Variants in AAK1 observed in about 807,000 individuals in gnomAD.
AAK1 encodes the protein AP2 associated kinase 1, also known as AP2-associated protein kinase 1.
A neutral mutation model predicts 116.0 loss-of-function variants in AAK1; 37 were observed. That is an observed-to-expected ratio of 0.32 (90% CI 0.25 to 0.42). AAK1 has a LOEUF of 0.42. Among genes scored for constraint, AAK1 ranks in the 10% least tolerant of loss-of-function variants. AAK1 has a pLI of 1.00. For missense variants in AAK1, 919 were observed against 1,170.6 expected (o/e 0.79, Z 3.14); for synonymous variants, 458 against 439.9 (o/e 1.04, Z -0.51).
intron 2 of AAK1, among the ~76,000 whole-genome samples, chr2:69,631,905 G>A (rs905327154): frequency 5.3e-5 from 8 of 152,208 alleles, no homozygotes; most frequent in African/African-American, 7.2e-5. Flanking sequence ...GCTTGAGCCC[G>A]GGAGGCGGAG....
Position 69,461,432 on chromosome 2 carries a change from G to T in AAK1, c.*14437C>A. On this transcript the variant is annotated 3_prime_UTR_variant, in exon 22 of 22. Coordinates refer to ENST00000409085, the MANE Select transcript of AAK1 (RefSeq NM_014911.5). ...GAAATAAGACCCTACTGTAATACAA[G>T]TCGGCAGAATCTAACTGTTACTAAT... The T allele has an allele frequency of 4.2e-6, 1 of 237,518 alleles. No homozygotes were observed. The highest frequency in any genetic ancestry group is 8.4e-6 in the Non-Finnish European group (1 of 118,406). 14.7% of individuals were successfully genotyped at this position (237,518 alleles called of 1,614,324 possible).
intron 2 of AAK1, among the ~76,000 whole-genome samples, chr2:69,607,046 C>CA (rs61156108): frequency 0.11 from 7,463 of 68,210 alleles, 429 homozygotes; most frequent in Non-Finnish European, 0.15. Context: ...AGTCTTGCCT[C>CA]AAAAAAAAAA....
intron 13 of AAK1, among the ~76,000 whole-genome samples, chr2:69,513,835 C>T (rs952577427): frequency 6.6e-6 from 1 of 152,182 alleles, no homozygotes; most frequent in Non-Finnish European, 1.5e-5. Context: ...TGTGTTGAAA[C>T]TGTAGAGGAC....
intron 3 of AAK1, among the ~76,000 whole-genome samples, chr2:69,554,932 A>G (rs937921822): frequency 1.2e-4 from 19 of 152,372 alleles, no homozygotes; most frequent in Middle Eastern, 3.4e-3. Context: ...TGAGCTCCTC[A>G]TGGGCCTGTG....
At chr2:69,477,568 A>C (rs1314041033) in intron 20 of AAK1, among the ~76,000 whole-genome samples, 1 of 152,196 alleles carries the variant, frequency 6.6e-6, no homozygotes, top group Non-Finnish European at 1.5e-5. Flanking sequence ...CTCAAGTAGA[A>C]GTTTGTTAGA....
chr2:69,479,252 T>A (rs542386717), intron 19 of AAK1, among the ~76,000 whole-genome samples, 191 bp from the exon 20 acceptor site: 1 of 152,108 alleles, frequency 6.6e-6, no homozygotes, highest in East Asian at 1.9e-4. Flanking sequence ...TGAGATTAGA[T>A]CTTAGCTTTT....
intron 3 of AAK1, among the ~76,000 whole-genome samples, chr2:69,555,552 T>A (rs929400553): frequency 1.3e-5 from 2 of 152,212 alleles, no homozygotes; most frequent in African/African-American, 2.4e-5. Flanking sequence ...TTAAAAAGCA[T>A]TAAAATCCAG....
At position 69,470,014 on chromosome 2, in the gene AAK1, C is replaced by T; in HGVS notation, c.*5855G>A. ...TCCAAAGCAACCCAAAGTGCTGAAT[C>T]ATTTAGGATGGGTTTCCCCTGGAAA... On this transcript the variant is annotated 3_prime_UTR_variant, in exon 22 of 22. Coordinates refer to ENST00000409085, the MANE Select transcript of AAK1 (RefSeq NM_014911.5). 2.0e-6 allele frequency: 2 copies of T among 985,424 alleles called. No individual in the cohort carries two copies. The highest frequency in any genetic ancestry group is 2.4e-6 in the Non-Finnish European group (2 of 829,930). 61.0% of individuals were successfully genotyped at this position (985,424 alleles called of 1,614,324 possible).
At chr2:69,619,417 T>C (rs1409525350) in intron 2 of AAK1, among the ~76,000 whole-genome samples, 1 of 152,174 alleles carries the variant, frequency 6.6e-6, no homozygotes, top group African/African-American at 2.4e-5. Context: ...GAGTGTGAAA[T>C]TTCCCTCTTC....
intron 8 of AAK1, among the ~76,000 whole-genome samples, chr2:69,527,623 C>T (rs777671440): frequency 2.6e-5 from 4 of 152,142 alleles, no homozygotes; most frequent in East Asian, 1.9e-4. Flanking sequence ...CTTCATACTC[C>T]GATACCTAGG....
intron 2 of AAK1, among the ~76,000 whole-genome samples, chr2:69,634,001 C>T (rs1675337971): frequency 6.6e-6 from 1 of 152,140 alleles, no homozygotes; most frequent in Non-Finnish European, 1.5e-5. Flanking sequence ...GAAACCCTAC[C>T]TCTACTAAAA....
intron 5 of AAK1, among the ~76,000 whole-genome samples, chr2:69,535,769 G>A (rs780352163): frequency 1.3e-5 from 2 of 152,104 alleles, no homozygotes; most frequent in Non-Finnish European, 2.9e-5. Context: ...ATAGTGCTAT[G>A]CATAGTACCA....
At chr2:69,632,556 G>A (rs962057734) in intron 2 of AAK1, among the ~76,000 whole-genome samples, 12 of 152,116 alleles carry the variant, frequency 7.9e-5, no homozygotes, top group African/African-American at 2.7e-4. Flanking sequence ...CCTAATTGGC[G>A]GTGTGACTTT....
chr2:69,575,019 A>AC (rs201755885), intron 2 of AAK1, among the ~76,000 whole-genome samples: 6,608 of 143,254 alleles, frequency 0.046, 383 homozygotes, highest in East Asian at 0.17. Context: ...CAAAAAGACT[A>AC]CAAAAAAAAA....
At chr2:69,565,199 A>G (rs1290320030) in intron 2 of AAK1, among the ~76,000 whole-genome samples, 1 of 152,230 alleles carries the variant, frequency 6.6e-6, no homozygotes, top group African/African-American at 2.4e-5. Context: ...TGGGGCAGCC[A>G]TTCCTCAATG....
At chr2:69,610,765 T>C (rs2105216334) in intron 2 of AAK1, among the ~76,000 whole-genome samples, 1 of 152,312 alleles carries the variant, frequency 6.6e-6, no homozygotes, top group East Asian at 1.9e-4. Context: ...CAGGAGAAGA[T>C]GCTCAACATT....
intron 2 of AAK1, among the ~76,000 whole-genome samples, chr2:69,562,193 G>A (rs112787448): frequency 0.041 from 6,182 of 152,258 alleles, 433 homozygotes; most frequent in African/African-American, 0.14. Flanking sequence ...TACACTCCCA[G>A]CAGCCACATA....
At chr2:69,636,599 T>C (rs1298253113) in intron 2 of AAK1, among the ~76,000 whole-genome samples, 2 of 152,230 alleles carry the variant, frequency 1.3e-5, no homozygotes, top group Non-Finnish European at 2.9e-5. Flanking sequence ...ATCTCACCTG[T>C]GCTGTCCAAA....
chr2:69,531,492 C>A (rs1252457953), intron 6 of AAK1: 1 of 760,248 alleles, frequency 1.3e-6, no homozygotes, highest in Non-Finnish European at 1.6e-6. Context: ...ACATTGTGGA[C>A]ATGAGGAGAA....
Sources: gnomAD v4.1 joint callset for allele counts (sites outside exome capture counted in the v4.1 genomes callset) on GRCh38, gnomAD v4.1.1 for gene constraint, MANE v1.5 for transcripts, NCBI Gene and HGNC (gene_info 2026-07-23, HGNC 2026-07-21) for gene names.